NEDD4L: variants seen among roughly 807,000 people sequenced by gnomAD.
The protein encoded by NEDD4L is NEDD4 like E3 ubiquitin protein ligase, also known as E3 ubiquitin-protein ligase NEDD4-like.
In NEDD4L, 54 loss-of-function variants were observed where a neutral mutation model predicts 148.9. That is an observed-to-expected ratio of 0.36 (90% CI 0.29 to 0.45). The LOEUF (loss-of-function observed/expected upper bound fraction) is 0.45. NEDD4L is among the 20% of genes least tolerant of loss of function. The pLI, the probability that NEDD4L is intolerant of heterozygous loss-of-function variation, is 1.00. For missense variants in NEDD4L, 856 were observed against 1,233.8 expected (o/e 0.69, Z 4.59); for synonymous variants, 433 against 440.7 (o/e 0.98, Z 0.22).
rs191810562 is a variant in NEDD4L at position 58,155,369 on chromosome 18, G to A, written c.49-10419G>A. Among the ~76,000 whole-genome samples, 9 of 149,810 alleles carry A rather than the reference G, an allele frequency of 6.0e-5. No homozygotes were observed. In the East Asian group the frequency reaches 1.8e-3, roughly 29 times the overall value. On this transcript the variant is annotated intron_variant, in intron 1 of 30. Transcript: ENST00000400345. Reference sequence around the variant, plus strand: ...CTCAGATGAAATCCTTTGATCTTAGGTATTTTATGAGGAAACTGGAAAAAA... The same window carrying A: ...CTCAGATGAAATCCTTTGATCTTAGATATTTTATGAGGAAACTGGAAAAAA...
chr18:58,353,078 C>T (rs1022922297), intron 18 of NEDD4L, among the ~76,000 whole-genome samples: 2 of 152,156 alleles, frequency 1.3e-5, no homozygotes, highest in Non-Finnish European at 2.9e-5. Flanking sequence ...AGTTGTTGTG[C>T]TTGATCAGAA....
intron 5 of NEDD4L, chr18:58,255,597 T>A: frequency 8.1e-7 from 1 of 1,232,344 alleles, no homozygotes; most frequent in Non-Finnish European, 1.0e-6. Flanking sequence ...GTGTCGGGCC[T>A]GTTGTTGCCG....
At chr18:58,111,659 T>C (rs1302480420) in intron 1 of NEDD4L, among the ~76,000 whole-genome samples, 3 of 152,186 alleles carry the variant, frequency 2.0e-5, no homozygotes, top group Non-Finnish European at 4.4e-5. Context: ...ATGGGATACA[T>C]TGTGTTATAA....
chr18:58,246,700 G>A (rs2047302073), intron 3 of NEDD4L, among the ~76,000 whole-genome samples: 1 of 152,106 alleles, frequency 6.6e-6, no homozygotes, highest in East Asian at 1.9e-4. Flanking sequence ...GCTGACCTCA[G>A]GTGATCCACC....
chr18:58,295,181 C>A (rs573377983), intron 5 of NEDD4L, among the ~76,000 whole-genome samples: 1 of 152,164 alleles, frequency 6.6e-6, no homozygotes, highest in Non-Finnish European at 1.5e-5. Flanking sequence ...TGGGTTTGGA[C>A]AAATGTATAA....
intron 1 of NEDD4L, among the ~76,000 whole-genome samples, chr18:58,138,978 G>GCTGGCTCATTTCAGCCACC (rs1278225940): frequency 4.0e-4 from 61 of 152,350 alleles, no homozygotes; most frequent in African/African-American, 1.4e-3. Flanking sequence ...CCGGGACCAC[G>GCTGGCTCATTTCAGCCACC]CTGGCTCATT....
chr18:58,340,568 C>A (rs9948710), intron 13 of NEDD4L, among the ~76,000 whole-genome samples: 45,721 of 151,982 alleles, frequency 0.3, 7,084 homozygotes, highest in Middle Eastern at 0.4. Context: ...GTGTTAGGGT[C>A]CTAAGCTGAT....
intron 24 of NEDD4L, among the ~76,000 whole-genome samples, chr18:58,378,690 C>A (rs2047912447): frequency 1.3e-5 from 2 of 152,162 alleles, no homozygotes; most frequent in Non-Finnish European, 2.9e-5. Context: ...CCGTGCCCTG[C>A]AGGATTTGTG....
chr18:58,201,900 G>A (rs968217907), intron 2 of NEDD4L, among the ~76,000 whole-genome samples: 2 of 152,090 alleles, frequency 1.3e-5, no homozygotes, highest in Admixed American at 6.6e-5. Context: ...TTATAACTCT[G>A]TGCTATACGC....
At chr18:58,349,182 C>G (rs1168025466) in intron 16 of NEDD4L, among the ~76,000 whole-genome samples, 2 of 152,126 alleles carry the variant, frequency 1.3e-5, no homozygotes, top group African/African-American at 4.8e-5. Flanking sequence ...AAACCGTTGT[C>G]CCCACTCCCT....
At chr18:58,378,453 G>A (rs967385442) in intron 24 of NEDD4L, among the ~76,000 whole-genome samples, 10 of 152,366 alleles carry the variant, frequency 6.6e-5, no homozygotes, top group East Asian at 1.9e-4. Flanking sequence ...GGAGCCAGAC[G>A]AAGAGCCCGG....
intron 1 of NEDD4L, among the ~76,000 whole-genome samples, chr18:58,117,044 C>T (rs1425726280): frequency 1.3e-5 from 2 of 152,232 alleles, no homozygotes; most frequent in Non-Finnish European, 2.9e-5. Flanking sequence ...CAGCTCTTAA[C>T]ATACCTGGGA....
chr18:58,127,538 T>C (rs537245780), intron 1 of NEDD4L, among the ~76,000 whole-genome samples: 292 of 151,626 alleles, frequency 1.9e-3, no homozygotes, highest in African/African-American at 6.8e-3. Context: ...ACCTCACCTT[T>C]ATTTAAAAAA....
intron 30 of NEDD4L, among the ~76,000 whole-genome samples, 180 bp from the exon 31 acceptor site, chr18:58,395,987 T>A (rs930198392): frequency 4.6e-5 from 7 of 152,202 alleles, no homozygotes; most frequent in Non-Finnish European, 1.0e-4. Context: ...CTCTGTAAAT[T>A]ACAAGAGCTT....
intron 2 of NEDD4L, among the ~76,000 whole-genome samples, chr18:58,189,285 A>C (rs2039827370): frequency 6.6e-6 from 1 of 151,528 alleles, no homozygotes; most frequent in Non-Finnish European, 1.5e-5. Flanking sequence ...CCCCACTTGA[A>C]CTCCATAGCC....
intron 2 of NEDD4L, among the ~76,000 whole-genome samples, chr18:58,237,579 C>T (rs1308852318): frequency 6.6e-6 from 1 of 152,024 alleles, no homozygotes; most frequent in African/African-American, 2.4e-5. Context: ...ATTTTTACTA[C>T]CAAAAGATAA....
At chr18:58,196,439 T>C (rs1004819218) in intron 2 of NEDD4L, among the ~76,000 whole-genome samples, 9 of 152,334 alleles carry the variant, frequency 5.9e-5, no homozygotes, top group Middle Eastern at 3.4e-3. Context: ...CTTATATGGA[T>C]AAACGTGCAG....
chr18:58,201,109 G>C (rs1333345175), intron 2 of NEDD4L, among the ~76,000 whole-genome samples: 1 of 152,190 alleles, frequency 6.6e-6, no homozygotes, highest in Non-Finnish European at 1.5e-5. Context: ...AAGGCGGGCA[G>C]ATCACTTGAG....
intron 5 of NEDD4L, among the ~76,000 whole-genome samples, chr18:58,288,735 T>C (rs954576329): frequency 6.6e-6 from 1 of 152,242 alleles, no homozygotes; most frequent in Non-Finnish European, 1.5e-5. Flanking sequence ...TGAAATGTGT[T>C]TTGAACCTTG....
Sources: allele counts gnomAD v4.1 joint callset (sites outside exome capture counted in the v4.1 genomes callset), GRCh38; gene constraint gnomAD v4.1.1; transcripts MANE v1.5; gene names NCBI Gene and HGNC (gene_info 2026-07-23, HGNC 2026-07-21).